The following RABGAP1L variants were observed in gnomAD, a reference collection of about 807,000 sequenced individuals.
The protein encoded by RABGAP1L is rab GTPase-activating protein 1-like.
In RABGAP1L, 63 loss-of-function variants were observed where a neutral mutation model predicts 137.7. The ratio of observed to expected loss-of-function variants is 0.46; its 90% CI spans 0.37 to 0.56. The LOEUF (loss-of-function observed/expected upper bound fraction) is 0.56. Ranked by LOEUF, RABGAP1L falls within the 20% of genes least tolerant of loss-of-function variation. RABGAP1L has a pLI of 0.00. For missense variants in RABGAP1L, 1,095 were observed against 1,244.0 expected (o/e 0.88, Z 1.80); for synonymous variants, 431 against 433.7 (o/e 0.99, Z 0.08).
chr1:174,245,577 A>C (rs1672186674), intron 5 of RABGAP1L: 1 of 152,050 alleles, frequency 6.6e-6, no homozygotes, highest in Non-Finnish European at 1.5e-5. Context: ...TAAAAATTTT[A>C]ATACATACCT....
At chr1:174,806,335 C>G (rs986959417) in intron 18 of RABGAP1L, among the ~76,000 whole-genome samples, 58 of 152,318 alleles carry the variant, frequency 3.8e-4, no homozygotes, top group African/African-American at 1.1e-3. Context: ...CATGGTAGCT[C>G]ACTCCTGTAA....
chr1:174,764,583 A>G (rs1327975991), intron 18 of RABGAP1L, among the ~76,000 whole-genome samples: 1 of 152,084 alleles, frequency 6.6e-6, no homozygotes, highest in Non-Finnish European at 1.5e-5. Flanking sequence ...AACCCTCCTT[A>G]GCCAAAGGGT....
intron 1 of RABGAP1L, among the ~76,000 whole-genome samples, chr1:174,185,456 T>G (rs1466536018): frequency 6.6e-6 from 1 of 152,200 alleles, no homozygotes; most frequent in Non-Finnish European, 1.5e-5. Flanking sequence ...AATATAAAAT[T>G]ATACATTCAA....
At chr1:174,732,768 C>T (rs1178036205) in intron 17 of RABGAP1L, among the ~76,000 whole-genome samples, 1 of 152,128 alleles carries the variant, frequency 6.6e-6, no homozygotes, top group African/African-American at 2.4e-5. Flanking sequence ...TGGTTATTTT[C>T]CTCAAATTCT....
intron 19 of RABGAP1L, among the ~76,000 whole-genome samples, chr1:174,821,296 A>G (rs538742217): frequency 6.6e-6 from 1 of 152,264 alleles, no homozygotes; most frequent in South Asian, 2.1e-4. Context: ...ATCCTGACCC[A>G]GCATCTTCTC....
At chr1:174,421,071 A>G (rs1365471096) in intron 13 of RABGAP1L, among the ~76,000 whole-genome samples, 1 of 152,170 alleles carries the variant, frequency 6.6e-6, no homozygotes, top group Non-Finnish European at 1.5e-5. Context: ...AAATTTTACA[A>G]AAGTATATAA....
At position 174,231,359 on chromosome 1, in the gene RABGAP1L, A is replaced by G; in HGVS notation, c.542+4A>G. 3 of 1,612,196 alleles carry G rather than the reference A, an allele frequency of 1.9e-6. No homozygotes were observed. The highest frequency in any genetic ancestry group is 2.5e-6 in the Non-Finnish European group (3 of 1,178,286). ...ATGTTCCAGAAGGTTCTGTGAGGTA[A>G]GCTCTAATTTGTTTTTCTTTAGACA... On this transcript the variant is annotated splice_donor_region_variant and intron_variant, in intron 4 of 25. Coordinates refer to ENST00000681986, the MANE Select transcript of RABGAP1L (RefSeq NM_001366446.1).
intron 15 of RABGAP1L, among the ~76,000 whole-genome samples, chr1:174,684,595 G>A: frequency 6.6e-6 from 1 of 152,122 alleles, no homozygotes; most frequent in South Asian, 2.1e-4. Context: ...GAATAATACA[G>A]TCATATGATC....
chr1:174,787,885 T>C (rs946307649), intron 18 of RABGAP1L, among the ~76,000 whole-genome samples: 1 of 152,194 alleles, frequency 6.6e-6, no homozygotes, highest in Non-Finnish European at 1.5e-5. Context: ...TCCCAGGTAC[T>C]GTAGGGAACT....
intron 18 of RABGAP1L, among the ~76,000 whole-genome samples, chr1:174,772,954 A>G (rs1381802403): frequency 6.6e-6 from 1 of 152,190 alleles, no homozygotes; most frequent in Non-Finnish European, 1.5e-5. Context: ...TTAATATTGT[A>G]TTACTATTTT....
chr1:174,376,917 A>G (rs374761996), intron 12 of RABGAP1L, among the ~76,000 whole-genome samples: 12 of 152,188 alleles, frequency 7.9e-5, no homozygotes, highest in Admixed American at 2.0e-4. Context: ...CACTGTCTCT[A>G]TTTGCAGAGA....
intron 19 of RABGAP1L, among the ~76,000 whole-genome samples, chr1:174,948,341 C>A (rs1038272727): frequency 7.3e-5 from 11 of 151,584 alleles, no homozygotes; most frequent in African/African-American, 2.7e-4. Flanking sequence ...GTCAACATAG[C>A]GAGACCCTGT....
At chr1:174,187,096 A>T (rs1011695677) in intron 1 of RABGAP1L, among the ~76,000 whole-genome samples, 1 of 152,158 alleles carries the variant, frequency 6.6e-6, no homozygotes, top group African/African-American at 2.4e-5. Context: ...ACCTGGAATG[A>T]TAATTTCTTT....
At chr1:174,788,530 T>A (rs1687626458) in intron 18 of RABGAP1L, among the ~76,000 whole-genome samples, 1 of 152,238 alleles carries the variant, frequency 6.6e-6, no homozygotes, top group South Asian at 2.1e-4. Context: ...CTACAAGAGC[T>A]TTCTGACTTG....
Position 174,917,244 on chromosome 1 carries a change from C to T in RABGAP1L, c.2341-40213C>T, listed in dbSNP as rs149820868. Among the ~76,000 whole-genome samples the T allele has an allele frequency of 2.2e-3, 341 of 152,208 alleles. 2 individuals are homozygous for T. Among genetic ancestry groups the T allele is most frequent in the Non-Finnish European group, 3.4e-3 (232 of 68,018 alleles). On this transcript the variant is annotated intron_variant, in intron 19 of 25. Coordinates refer to ENST00000681986, the MANE Select transcript of RABGAP1L (RefSeq NM_001366446.1). ...GTGGGTTGGGGAGGACATAAACATTCGGTTCATATCAGGGAAAATGCACAC... is the reference window on the plus strand; with the variant it reads ...GTGGGTTGGGGAGGACATAAACATTTGGTTCATATCAGGGAAAATGCACAC...
At chr1:174,769,544 ATTAGCTTT>A (rs1685947734) in intron 18 of RABGAP1L, among the ~76,000 whole-genome samples, 1 of 152,300 alleles carries the variant, frequency 6.6e-6, no homozygotes, top group East Asian at 1.9e-4. Flanking sequence ...GTGGTCTCTC[ATTAGCTTT>A]ACAAGGTCGG....
intron 1 of RABGAP1L, among the ~76,000 whole-genome samples, chr1:174,209,309 AGGCCTT>A (rs1348095645): frequency 1.3e-5 from 2 of 152,094 alleles, no homozygotes; most frequent in African/African-American, 4.8e-5. Context: ...CCCCTTTTCC[AGGCCTT>A]GGCTCTTAGA....
At chr1:174,669,192 A>AT (rs1677005791) in intron 14 of RABGAP1L, among the ~76,000 whole-genome samples, 1 of 152,150 alleles carries the variant, frequency 6.6e-6, no homozygotes, top group South Asian at 2.1e-4. Context: ...GGCAAGAAGG[A>AT]GAATGAATGC....
chr1:174,859,482 C>CA (rs35464065), intron 19 of RABGAP1L, among the ~76,000 whole-genome samples: 52,676 of 133,796 alleles, frequency 0.39, 13,111 homozygotes, highest in African/African-American at 0.7. Context: ...GACTCCATCT[C>CA]AAAAAAAAAG....
Sources: gnomAD v4.1 joint callset for allele counts (sites outside exome capture counted in the v4.1 genomes callset) on GRCh38, gnomAD v4.1.1 for gene constraint, MANE v1.5 for transcripts, NCBI Gene and HGNC (gene_info 2026-07-23, HGNC 2026-07-21) for gene names.